GOLGB1: variants seen among roughly 807,000 people sequenced by gnomAD.
The protein encoded by GOLGB1 is golgin subfamily B member 1.
A neutral mutation model predicts 336.9 loss-of-function variants in GOLGB1; 174 were observed. That is an observed-to-expected ratio of 0.52 (90% CI 0.46 to 0.59). The LOEUF is 0.59. Ranked by LOEUF, GOLGB1 falls within the 20% of genes least tolerant of loss-of-function variation. GOLGB1 has a pLI of 0.00. For missense variants in GOLGB1, 3,331 were observed against 3,645.3 expected, an observed-to-expected ratio of 0.91 and a Z score of 2.22; for synonymous variants, 1,208 against 1,289.2, an observed-to-expected ratio of 0.94 and a Z score of 1.35.
intron 5 of GOLGB1, among the ~76,000 whole-genome samples, chr3:121,726,433 C>CAA (rs10547964): frequency 7.5e-4 from 46 of 61,400 alleles, no homozygotes; most frequent in Middle Eastern, 0.033. Flanking sequence ...CACCCTGTCT[C>CAA]AAAAAAAAAA....
rs760010028 is a variant in GOLGB1 at position 121,694,884 on chromosome 3, C to T, written c.5639G>A (p.Ser1880Asn). The change falls in exon 13 of 22, where the codon AGT (serine) becomes AAT (asparagine). Residue 1880 changes from serine to asparagine, a missense_variant. Coordinates refer to ENST00000614479, the MANE Select transcript of GOLGB1 (RefSeq NM_001366282.2). Reference protein sequence around the residue: ...TLENEKNTLLSQISTKDGELK... With the variant: ...TLENEKNTLLNQISTKDGELK... Reference sequence around the variant, plus strand: ...TTCACCATCCTTTGTTGATATCTGACTCAGTAAGGTATTTTTCTCATTTTC... The same window carrying T: ...TTCACCATCCTTTGTTGATATCTGATTCAGTAAGGTATTTTTCTCATTTTC... 8.1e-6 allele frequency: 13 copies of T among 1,613,632 alleles called. No homozygotes were observed. The East Asian group carries it at 2.0e-4, about 25-fold the overall frequency.
In GOLGB1 at chr3:121,727,050, G is replaced by T. The variant is rs1178798911; in HGVS notation, c.403-9C>A. ...GTAGAACTCTTGTCATGCTGAAAAT[G>T]CAGGAGATAAAGTCATTATTTAAAA... On this transcript the variant is annotated splice_polypyrimidine_tract_variant and intron_variant, in intron 4 of 21. Coordinates refer to ENST00000614479, the MANE Select transcript of GOLGB1 (RefSeq NM_001366282.2). 3 of 1,508,278 alleles carry T rather than the reference G, an allele frequency of 2.0e-6. No homozygotes were observed. The African/African-American group carries it at 4.2e-5, about 21-fold the overall frequency. The allele number at this position is 1,508,278 out of a possible 1,614,324, so 93.4% of individuals were successfully genotyped here.
rs569974348 is a variant in GOLGB1 at position 121,719,641 on chromosome 3, C to T, written c.771+5G>A. The T allele has an allele frequency of 5.0e-6, 8 of 1,600,036 alleles. No individual in the cohort carries two copies. In the African/African-American group the frequency reaches 9.5e-5, roughly 19 times the overall value. On this transcript the variant is annotated splice_donor_5th_base_variant and intron_variant, in intron 7 of 21. Transcript: ENST00000614479. ...CAGTCATTCTACCGAGTTTTAGCAA[C>T]ACACCTGTTGCATCTCTGTTTCCAC...
chr3:121,710,326 C>T (rs1291888614), intron 10 of GOLGB1, among the ~76,000 whole-genome samples: 1 of 151,994 alleles, frequency 6.6e-6, no homozygotes, highest in Non-Finnish European at 1.5e-5. Context: ...GAAAAGGGAA[C>T]ATATTATGAG....
At chr3:121,726,822 G>T in intron 5 of GOLGB1, 91 bp downstream of exon 5, 2 of 891,074 alleles carry the variant, frequency 2.2e-6, no homozygotes, top group Non-Finnish European at 3.3e-6. Flanking sequence ...AATGCCCATT[G>T]TGCATCTAGA....
chr3:121,668,820 A>G (rs1437893430), intron 18 of GOLGB1, among the ~76,000 whole-genome samples: 1 of 151,208 alleles, frequency 6.6e-6, no homozygotes, highest in Admixed American at 6.6e-5. Context: ...ACTAATTCTC[A>G]GTCTCCTCCA....
At chr3:121,672,436 A>G (rs982882308) in intron 17 of GOLGB1, among the ~76,000 whole-genome samples, 2 of 152,226 alleles carry the variant, frequency 1.3e-5, no homozygotes, top group African/African-American at 2.4e-5. Flanking sequence ...TTCTTTTGAG[A>G]AACGTCTATT....
chr3:121,693,507 G>A (rs928828351), intron 13 of GOLGB1, among the ~76,000 whole-genome samples: 2 of 152,022 alleles, frequency 1.3e-5, no homozygotes, highest in Non-Finnish European at 2.9e-5. Context: ...CAAAACAGAA[G>A]TACAGAAATC....
In GOLGB1 at chr3:121,691,047, A is replaced by G. The variant is rs137985408; in HGVS notation, c.8317T>C (p.Leu2773=). Residue 2773 remains leucine, a synonymous_variant, in exon 14 of 22, where the codon TTG becomes CTG. Transcript: ENST00000614479. The part of the protein sequence containing the change: ...KRKYDASLKE[L]AQLKEQGLLN... ...AGTCCCTGTTCTTTCAACTGTGCCAATTCCTTCAGACTGGCATCATATTTC... is the reference window on the plus strand; with the variant it reads ...AGTCCCTGTTCTTTCAACTGTGCCAGTTCCTTCAGACTGGCATCATATTTC... 123 of 1,613,594 alleles carry G rather than the reference A, an allele frequency of 7.6e-5. 1 individual carries two copies. In the African/African-American group the frequency reaches 1.1e-3, roughly 14 times the overall value.
Position 121,691,672 on chromosome 3 carries a change from A to C in GOLGB1, c.7692T>G (p.Leu2564=), listed in dbSNP as rs538437916. 3.1e-6 allele frequency: 5 copies of C among 1,611,132 alleles called. No homozygotes were observed. The African/African-American group carries it at 6.7e-5, about 22-fold the overall frequency. ...SQQKQLLEVQ[L]QQNKELENKY... ...TATTTTCCAGCTCCTTATTTTGCTG[A>C]AGTTGAACTTCAAGAAGCTGCTTTT... Residue 2564 remains leucine, a synonymous_variant, in exon 14 of 22, where the codon CTT becomes CTG. Coordinates refer to ENST00000614479, the MANE Select transcript of GOLGB1 (RefSeq NM_001366282.2).
intron 3 of GOLGB1, 60 bp downstream of exon 3, chr3:121,729,805 A>G (rs112848386): frequency 1.6e-6 from 2 of 1,224,490 alleles, no homozygotes; most frequent in South Asian, 2.6e-5. Flanking sequence ...AATTAAAGTG[A>G]GTAGTGTATC....
In GOLGB1 at chr3:121,664,502, A is replaced by T. The variant is rs766867069; in HGVS notation, c.9773T>A (p.Leu3258Gln). ...AGTCTATAGATGGCCCGTAAAACAC[A>T]GAATGAGCAGGACATGAATCATTAG... is the stretch of plus-strand genomic sequence containing the variant. ...YFLMIHVLLI[L>Q]CFTGHL Residue 3258 changes from leucine (L) to glutamine (Q), a missense_variant, in exon 22 of 22, where the codon CTG (leucine) becomes CAG (glutamine). Leu to Gln is a moderately radical substitution (Grantham distance 113). Coordinates refer to ENST00000614479, the MANE Select transcript of GOLGB1 (RefSeq NM_001366282.2). 3.1e-6 allele frequency: 5 copies of T among 1,614,036 alleles called. No homozygotes were observed. The highest frequency in any genetic ancestry group is 4.2e-6 in the Non-Finnish European group (5 of 1,179,864).
At chr3:121,737,822 A>G (rs1362496965) in intron 1 of GOLGB1, among the ~76,000 whole-genome samples, 1 of 152,138 alleles carries the variant, frequency 6.6e-6, no homozygotes, top group African/African-American at 2.4e-5. Context: ...TTTTTTTAAT[A>G]GATTGTCTTG....
intron 17 of GOLGB1, among the ~76,000 whole-genome samples, chr3:121,673,905 G>C (rs980880518): frequency 2.0e-5 from 3 of 152,222 alleles, no homozygotes; most frequent in Non-Finnish European, 2.9e-5. Flanking sequence ...ATTTTTAGTA[G>C]AGAAGGGATT....
chr3:121,692,507 G>T lies in GOLGB1; in HGVS notation c.6857C>A (p.Thr2286Asn). ...EVQLQQKVCDTLQGENKELLS... is the reference protein window; with the variant it reads ...EVQLQQKVCDNLQGENKELLS... ...AAGTTCTTTGTTTTCCCCCTGTAGA[G>T]TATCACAGACCTTCTGCTGAAGCTG... The change falls in exon 14 of 22, where the codon ACT becomes AAT. Residue 2286 changes from threonine (T) to asparagine (N), a missense_variant. Coordinates refer to ENST00000614479, the MANE Select transcript of GOLGB1 (RefSeq NM_001366282.2). 6.2e-7 allele frequency: 1 copy of T among 1,613,518 alleles called. No homozygotes were observed. The highest frequency in any genetic ancestry group is 8.5e-7 in the Non-Finnish European group (1 of 1,179,742).
chr3:121,663,574 A>G lies in GOLGB1; in HGVS notation c.*906T>C, dbSNP rs750768124. 2.0e-5 allele frequency: 3 copies of G among 152,208 alleles called. No homozygotes were observed. The highest frequency in any genetic ancestry group is 6.5e-5 in the Admixed American group (1 of 15,278). 9.4% of individuals were successfully genotyped at this position (152,208 alleles called of 1,614,324 possible). On this transcript the variant is annotated 3_prime_UTR_variant, in exon 22 of 22. Coordinates refer to ENST00000614479, the MANE Select transcript of GOLGB1 (RefSeq NM_001366282.2). ...TAACAGCAAAGTAGCTTAGTACTTCAAGAGGTCAGGAGTTGCAGTGTGGTG... is the reference window on the plus strand; with the variant it reads ...TAACAGCAAAGTAGCTTAGTACTTCGAGAGGTCAGGAGTTGCAGTGTGGTG...
intron 19 of GOLGB1, 149 bp downstream of exon 19, chr3:121,667,912 T>C: frequency 1.8e-6 from 1 of 567,502 alleles, no homozygotes; most frequent in Non-Finnish European, 3.2e-6. Flanking sequence ...GTTATTATTG[T>C]TACTATTTGA....
chr3:121,707,498 T>C (rs982533021), intron 10 of GOLGB1, among the ~76,000 whole-genome samples: 1 of 151,348 alleles, frequency 6.6e-6, no homozygotes, highest in African/African-American at 2.4e-5. Flanking sequence ...CTGGGTAGCA[T>C]GGTGCATGCC....
rs754212267 is a variant in GOLGB1 at position 121,716,934 on chromosome 3, A to C, written c.1091T>G (p.Leu364Arg). Residue 364 changes from leucine to arginine, a missense_variant, in exon 9 of 22, where the codon CTA becomes CGA. Transcript: ENST00000614479. ...FEQAGQAQAE[L>R]ESRYSALEQK... is the part of the protein sequence containing the mutation. The stretch of plus-strand genomic sequence containing the variant: ...CTCCAAAGCACTATACCGAGACTCT[A>C]GTTCAGCCTGGGCTTGGCCTGCTTG... The C allele has an allele frequency of 6.2e-7, 1 of 1,613,888 alleles. No homozygotes were observed. The highest frequency in any genetic ancestry group is 1.7e-5 in the Admixed American group (1 of 60,026).
Sources: gnomAD v4.1 joint callset for allele counts (sites outside exome capture counted in the v4.1 genomes callset) on GRCh38, gnomAD v4.1.1 for gene constraint, MANE v1.5 for transcripts, NCBI Gene and HGNC (gene_info 2026-07-23, HGNC 2026-07-21) for gene names.